The following ANO4 variants were observed in gnomAD, a reference collection of about 807,000 sequenced individuals.
ANO4 encodes anoctamin-4.
ANO4 carries 69 observed loss-of-function variants against 141.9 expected under a neutral mutation model. That is an observed-to-expected ratio of 0.49 (90% confidence interval 0.40 to 0.59). The LOEUF (loss-of-function observed/expected upper bound fraction) is 0.59. ANO4 is among the 20% of genes least tolerant of loss of function. The pLI is 0.00. For missense variants in ANO4, 894 were observed against 1,162.2 expected (o/e 0.77, Z 3.36); for synonymous variants, 350 against 394.3 (o/e 0.89, Z 1.33).
intron 3 of ANO4, among the ~76,000 whole-genome samples, chr12:100,772,472 T>C (rs901878678): frequency 6.6e-6 from 1 of 152,182 alleles, no homozygotes; most frequent in East Asian, 1.9e-4. Flanking sequence ...ACAGACGACA[T>C]GTGATTCCCA....
chr12:100,747,850 G>T (rs1453879973), intron 3 of ANO4, among the ~76,000 whole-genome samples: 1 of 152,212 alleles, frequency 6.6e-6, no homozygotes, highest in African/African-American at 2.4e-5. Flanking sequence ...TCCAGCCTGG[G>T]TGACAAGAGC....
rs533691149 is a variant in ANO4, at chr12:100,969,383, G to A, written c.457-1923G>A. The stretch of plus-strand genomic sequence containing the variant: ...AGACTTTTCAGACCAATATTAGAGA[G>A]TGCCTCCCACTACTGATGGGCCCTG... On this transcript the variant is annotated intron_variant, in intron 5 of 27. Coordinates refer to ENST00000392977, the MANE Select transcript of ANO4 (RefSeq NM_001286615.2). Among the ~76,000 whole-genome samples, 65 of 152,276 alleles carry A rather than the reference G, an allele frequency of 4.3e-4. 1 individual carries two copies. In the South Asian group the frequency reaches 0.013, roughly 30 times the overall value.
intron 6 of ANO4, 82 bp downstream of exon 6, chr12:100,971,488 C>A: frequency 9.6e-7 from 1 of 1,038,634 alleles, no homozygotes; most frequent in Non-Finnish European, 1.4e-6. Context: ...ACAAATAAAA[C>A]TGAAATGCAG....
At chr12:100,724,020 A>T (rs1189441699) in intron 1 of ANO4, among the ~76,000 whole-genome samples, 2 of 100,854 alleles carry the variant, frequency 2.0e-5, no homozygotes, top group African/African-American at 1.1e-4. Flanking sequence ...ACAAAAACAA[A>T]CAAAAAACAA....
At chr12:100,791,556 G>A (rs1023738407), upstream of ANO4, among the ~76,000 whole-genome samples, 1 of 152,170 alleles carries the variant, frequency 6.6e-6, no homozygotes, top group African/African-American at 2.4e-5. Context: ...TAATCTCTGA[G>A]GTAAAAGAAG....
chr12:100,855,957 G>T lies in ANO4; in HGVS notation c.-140-45689G>T, dbSNP rs546103879. Among the ~76,000 whole-genome samples the T allele has an allele frequency of 2.6e-5, 4 of 152,214 alleles. No homozygotes were observed. In the South Asian group the frequency reaches 8.3e-4, roughly 32 times the overall value. On this transcript the variant is annotated intron_variant, in intron 1 of 27. Coordinates refer to ENST00000392977, the MANE Select transcript of ANO4 (RefSeq NM_001286615.2). ...GTGGTACAGTCAAAATCTAATCAAA[G>T]AAGGAATTTTATAGAAGAACTTGTA...
chr12:101,049,344 C>G (rs2047763138), intron 14 of ANO4, among the ~76,000 whole-genome samples: 1 of 152,176 alleles, frequency 6.6e-6, no homozygotes, highest in African/African-American at 2.4e-5. Flanking sequence ...ATGTCATCTG[C>G]TCCAGCCAAA....
At chr12:100,879,252 C>T (rs1289525616) in intron 1 of ANO4, among the ~76,000 whole-genome samples, 1 of 152,144 alleles carries the variant, frequency 6.6e-6, no homozygotes, top group African/African-American at 2.4e-5. Context: ...TTATTATGCA[C>T]TCAATTTAGC....
intron 1 of ANO4, among the ~76,000 whole-genome samples, chr12:100,848,060 A>G (rs1444722537): frequency 6.6e-6 from 1 of 152,270 alleles, no homozygotes; most frequent in African/African-American, 2.4e-5. Context: ...TTGGTGTCTT[A>G]TAATGACTTA....
intron 14 of ANO4, among the ~76,000 whole-genome samples, chr12:101,056,480 T>G (rs1377432931): frequency 1.3e-5 from 2 of 152,152 alleles, no homozygotes; most frequent in Non-Finnish European, 2.9e-5. Flanking sequence ...TATTAGTGCT[T>G]CTAGCTTTTT....
At chr12:100,813,489 T>C (rs1481900119) in intron 1 of ANO4, among the ~76,000 whole-genome samples, 1 of 152,164 alleles carries the variant, frequency 6.6e-6, no homozygotes, top group Non-Finnish European at 1.5e-5. Flanking sequence ...TTCTTATCCA[T>C]CTCAGATCTT....
chr12:101,074,355 C>T (rs1208980322), intron 14 of ANO4, among the ~76,000 whole-genome samples: 1 of 152,146 alleles, frequency 6.6e-6, no homozygotes, highest in Non-Finnish European at 1.5e-5. Flanking sequence ...CACTGGGTCA[C>T]CTGGGTTCTA....
rs550949611 is a variant in ANO4, at chr12:101,016,895, A to G, written c.735-3139A>G. On this transcript the variant is annotated intron_variant, in intron 8 of 27. Coordinates refer to ENST00000392977, the MANE Select transcript of ANO4 (RefSeq NM_001286615.2). The stretch of plus-strand genomic sequence containing the variant: ...TTCACAGATGAGGAAACCAAGACCC[A>G]GAAAAGTTGAGGGATAGCCCTAAAA... 2.0e-5 allele frequency among the ~76,000 whole-genome samples: 3 copies of G among 152,342 alleles called. No homozygotes were observed. In the East Asian group the frequency reaches 5.8e-4, roughly 29 times the overall value.
intron 22 of ANO4, among the ~76,000 whole-genome samples, chr12:101,104,625 G>GTATA (rs2050349855): frequency 3.8e-5 from 2 of 52,812 alleles, no homozygotes; most frequent in East Asian, 5.8e-4. Flanking sequence ...GTATGTATGT[G>GTATA]TGTATATATA....
At chr12:101,097,336 T>C (rs1283771661) in intron 19 of ANO4, among the ~76,000 whole-genome samples, 2 of 152,178 alleles carry the variant, frequency 1.3e-5, no homozygotes, top group African/African-American at 4.8e-5. Context: ...CAAATGTGTT[T>C]AAATCCAGGA....
chr12:100,820,355 C>CAAAAA (rs10713790), intron 1 of ANO4, among the ~76,000 whole-genome samples: 22 of 141,190 alleles, frequency 1.6e-4, no homozygotes, highest in South Asian at 9.1e-4. Context: ...GTCGGTTTCT[C>CAAAAA]AAAAAAAAAA....
intron 3 of ANO4, among the ~76,000 whole-genome samples, chr12:100,787,085 G>A (rs1409185908): frequency 6.6e-6 from 1 of 152,166 alleles, no homozygotes; most frequent in East Asian, 1.9e-4. Flanking sequence ...TCCAGAGAGA[G>A]TTTATCTCTT....
At chr12:101,039,565 A>C (rs2047335213) in intron 10 of ANO4, among the ~76,000 whole-genome samples, 1 of 152,238 alleles carries the variant, frequency 6.6e-6, no homozygotes, top group South Asian at 2.1e-4. Flanking sequence ...AGCCTTGGGC[A>C]TGGCCCCTGG....
At chr12:100,963,272 C>A (rs1464562518) in intron 5 of ANO4, among the ~76,000 whole-genome samples, 3 of 152,126 alleles carry the variant, frequency 2.0e-5, no homozygotes, top group African/African-American at 7.2e-5. Context: ...GGGATGAGAT[C>A]ATCTAGGGAG....
Sources: gnomAD v4.1 joint callset for allele counts (sites outside exome capture counted in the v4.1 genomes callset) on GRCh38, gnomAD v4.1.1 for gene constraint, MANE v1.5 for transcripts, NCBI Gene and HGNC (gene_info 2026-07-23, HGNC 2026-07-21) for gene names.